Variants in KCND2 observed in about 807,000 individuals in gnomAD.
KCND2 encodes potassium voltage-gated channel subfamily D member 2.
Under a neutral mutation model 54.4 loss-of-function variants are expected in KCND2, and 16 were observed. The observed-to-expected ratio is 0.29, with a 90% CI of 0.20 to 0.45. The LOEUF (loss-of-function observed/expected upper bound fraction) is 0.45. KCND2 is among the 20% of genes least tolerant of loss of function. KCND2 has a pLI of 1.00. For missense variants in KCND2, 486 were observed against 824.2 expected, an observed-to-expected ratio of 0.59 and a Z score of 5.02; for synonymous variants, 317 against 310.7, an observed-to-expected ratio of 1.02 and a Z score of -0.21.
intron 1 of KCND2, among the ~76,000 whole-genome samples, chr7:120,722,798 C>T (rs989779839): frequency 5.3e-5 from 8 of 152,154 alleles, no homozygotes; most frequent in Non-Finnish European, 1.2e-4. Context: ...CTGACATTCT[C>T]CCCTAAGGCT....
intron 1 of KCND2, among the ~76,000 whole-genome samples, chr7:120,518,182 A>G (rs536201615): frequency 2.0e-5 from 3 of 152,260 alleles, no homozygotes; most frequent in African/African-American, 7.2e-5. Context: ...TACACATATT[A>G]TCTTATGATC....
chr7:120,295,069 T>A (rs1353603559), intron 1 of KCND2, among the ~76,000 whole-genome samples: 3 of 151,836 alleles, frequency 2.0e-5, no homozygotes, highest in Admixed American at 1.3e-4. Context: ...TAAAGGGGAA[T>A]TATCTTGACT....
At chr7:120,290,509 T>C (rs1799418542) in intron 1 of KCND2, among the ~76,000 whole-genome samples, 1 of 152,054 alleles carries the variant, frequency 6.6e-6, no homozygotes, top group Non-Finnish European at 1.5e-5. Flanking sequence ...CTCGTAGTTA[T>C]ACATATCTGT....
chr7:120,421,399 A>G (rs866090560), intron 1 of KCND2, among the ~76,000 whole-genome samples: 1 of 152,206 alleles, frequency 6.6e-6, no homozygotes, highest in Admixed American at 6.5e-5. Flanking sequence ...ACACTTCTGC[A>G]TTTTCACTGA....
In KCND2 at chr7:120,273,428, C is replaced by A. The variant is rs559392054; in HGVS notation, c.-1205C>A. ...CCGCCCGGCCGCCCCGCAGCCCCGC[C>A]GCCCCGCAGCCCCGCACCGCGCTGG... On this transcript the variant is annotated 5_prime_UTR_variant, in exon 1 of 6. Coordinates refer to ENST00000331113, the MANE Select transcript of KCND2 (RefSeq NM_012281.3). Among the ~76,000 whole-genome samples the A allele has an allele frequency of 6.7e-6, 1 of 148,276 alleles. No homozygotes were observed. The highest frequency in any genetic ancestry group is 2.1e-4 in the South Asian group (1 of 4,816).
At chr7:120,581,599 T>G (rs1792516302) in intron 1 of KCND2, among the ~76,000 whole-genome samples, 2 of 152,228 alleles carry the variant, frequency 1.3e-5, no homozygotes, top group Non-Finnish European at 2.9e-5. Context: ...CCACCTACAT[T>G]ATTTTCTTTA....
In KCND2 at chr7:120,291,731, GATGCAGTTAAAAAAC is replaced by G. The variant is rs527704951; in HGVS notation, c.1115+15988_1115+16002del. Among the ~76,000 whole-genome samples, 70 of 151,958 alleles carry G rather than the reference GATGCAGTTAAAAAAC, an allele frequency of 4.6e-4. No individual in the cohort carries two copies. The South Asian group carries it at 7.9e-3, about 17-fold the overall frequency. The stretch of plus-strand genomic sequence containing the variant: ...ACATTGGCTGATTCTACAGAGCCTG[GATGCAGTTAAAAAAC>G]ATGTTTATGTTTTTATGATAGAAAA... On this transcript the variant is annotated intron_variant, in intron 1 of 5. Coordinates refer to ENST00000331113, the MANE Select transcript of KCND2 (RefSeq NM_012281.3).
At chr7:120,506,986 A>G (rs1803032254) in intron 1 of KCND2, among the ~76,000 whole-genome samples, 1 of 151,866 alleles carries the variant, frequency 6.6e-6, no homozygotes, top group South Asian at 2.1e-4. Context: ...TAAATTTTAT[A>G]GGGTACACCT....
chr7:120,712,359 G>T (rs1044196156), intron 1 of KCND2, among the ~76,000 whole-genome samples: 2 of 133,154 alleles, frequency 1.5e-5, no homozygotes, highest in Middle Eastern at 5.3e-3. Context: ...TGCCTCCCCA[G>T]TTCAAGTGAT....
At chr7:120,400,416 A>C (rs1801233391) in intron 1 of KCND2, among the ~76,000 whole-genome samples, 1 of 152,170 alleles carries the variant, frequency 6.6e-6, no homozygotes, top group Non-Finnish European at 1.5e-5. Flanking sequence ...ACAACTTTTC[A>C]GAATCACCAG....
At chr7:120,421,494 A>G (rs552484280) in intron 1 of KCND2, among the ~76,000 whole-genome samples, 1 of 152,210 alleles carries the variant, frequency 6.6e-6, no homozygotes, top group Non-Finnish European at 1.5e-5. Context: ...TTGCAGTGCT[A>G]TTTTGAAGAC....
At chr7:120,557,364 T>G (rs999286734) in intron 1 of KCND2, among the ~76,000 whole-genome samples, 12 of 152,154 alleles carry the variant, frequency 7.9e-5, no homozygotes, top group African/African-American at 2.7e-4. Flanking sequence ...TATGATTTAT[T>G]GAACAGTAGC....
At chr7:120,351,244 G>GTGTATA (rs376321316) in intron 1 of KCND2, among the ~76,000 whole-genome samples, 53 of 137,350 alleles carry the variant, frequency 3.9e-4, no homozygotes, top group East Asian at 3.3e-3. Context: ...TTATATGTGT[G>GTGTATA]TATATATATA....
At chr7:120,351,408 A>ACCCTCTCT (rs1205455713) in intron 1 of KCND2, among the ~76,000 whole-genome samples, 1 of 90,244 alleles carries the variant, frequency 1.1e-5, no homozygotes, top group African/African-American at 3.8e-5. Context: ...ACACACACAC[A>ACCCTCTCT]CACACTCTCT....
At chr7:120,612,688 T>C (rs1255342273) in intron 1 of KCND2, among the ~76,000 whole-genome samples, 1 of 152,214 alleles carries the variant, frequency 6.6e-6, no homozygotes, top group Non-Finnish European at 1.5e-5. Context: ...CTTTCAGTCA[T>C]GGAGTTTAGT....
intron 1 of KCND2, among the ~76,000 whole-genome samples, chr7:120,338,023 C>A (rs986113366): frequency 1.3e-5 from 2 of 152,114 alleles, no homozygotes; most frequent in Admixed American, 6.5e-5. Flanking sequence ...AATATAACAT[C>A]TTTACACAGG....
At chr7:120,714,907 A>C (rs1424123657) in intron 1 of KCND2, among the ~76,000 whole-genome samples, 1 of 152,096 alleles carries the variant, frequency 6.6e-6, no homozygotes, top group Non-Finnish European at 1.5e-5. Context: ...AATTAAATAA[A>C]ATTTAAATCA....
intron 1 of KCND2, among the ~76,000 whole-genome samples, chr7:120,498,457 C>A (rs929313136): frequency 2.7e-5 from 4 of 146,900 alleles, no homozygotes; most frequent in African/African-American, 1.0e-4. Flanking sequence ...TCCAGCCTGG[C>A]GACAGAGCAA....
chr7:120,514,792 G>A (rs1803172131), intron 1 of KCND2, among the ~76,000 whole-genome samples: 1 of 151,900 alleles, frequency 6.6e-6, no homozygotes, highest in South Asian at 2.1e-4. Flanking sequence ...ATGCAACCTA[G>A]ATCCCTCTCA....
Sources: allele counts gnomAD v4.1 joint callset (sites outside exome capture counted in the v4.1 genomes callset), GRCh38; gene constraint gnomAD v4.1.1; transcripts MANE v1.5; gene names NCBI Gene and HGNC (gene_info 2026-07-23, HGNC 2026-07-21).